Variants in MAGI2 observed in about 807,000 individuals in gnomAD.
The protein encoded by MAGI2 is membrane associated guanylate kinase, WW and PDZ domain containing 2, also known as membrane-associated guanylate kinase, WW and PDZ domain-containing protein 2.
In MAGI2, 35 loss-of-function variants were observed where a neutral mutation model predicts 133.3. That is an observed-to-expected ratio of 0.26 (90% CI 0.20 to 0.35). MAGI2 has a LOEUF of 0.35. Ranked by LOEUF, MAGI2 falls within the 10% of genes least tolerant of loss-of-function variation. The pLI is 1.00. For missense variants in MAGI2, 1,636 were observed against 1,863.4 expected, an observed-to-expected ratio of 0.88 and a Z score of 2.25; for synonymous variants, 729 against 710.6, an observed-to-expected ratio of 1.03 and a Z score of -0.41.
chr7:78,654,705 A>ATG (rs1439057090), intron 2 of MAGI2, among the ~76,000 whole-genome samples: 4 of 1,788 alleles, frequency 2.2e-3, no homozygotes, highest in African/African-American at 6.3e-3. Flanking sequence ...ACATATATGT[A>ATG]TATATATATA....
intron 16 of MAGI2, among the ~76,000 whole-genome samples, chr7:78,147,329 A>G (rs997923430): frequency 1.3e-5 from 2 of 152,176 alleles, no homozygotes; most frequent in African/African-American, 4.8e-5. Context: ...AAGTGAGACC[A>G]TCACCACATG....
intron 1 of MAGI2, among the ~76,000 whole-genome samples, chr7:79,293,744 C>G (rs149809386): frequency 3.3e-5 from 5 of 152,352 alleles, no homozygotes; most frequent in African/African-American, 1.2e-4. Flanking sequence ...TCTATGCAGT[C>G]TGGCTCCAAA....
At chr7:78,715,910 T>C (rs868151603) in intron 2 of MAGI2, among the ~76,000 whole-genome samples, 2 of 149,608 alleles carry the variant, frequency 1.3e-5, no homozygotes, top group Admixed American at 1.4e-4. Flanking sequence ...TTCAATCCAG[T>C]CACAGAGCTT....
intron 10 of MAGI2, among the ~76,000 whole-genome samples, chr7:78,202,927 A>G (rs1829397400): frequency 6.6e-6 from 1 of 152,188 alleles, no homozygotes; most frequent in Non-Finnish European, 1.5e-5. Context: ...AAGAGTTGAC[A>G]GTAAAAATTA....
chr7:78,565,753 T>C (rs1800879706), intron 3 of MAGI2, among the ~76,000 whole-genome samples: 1 of 152,204 alleles, frequency 6.6e-6, no homozygotes. Flanking sequence ...TGCAAGACTC[T>C]TACTGACAAA....
intron 6 of MAGI2, among the ~76,000 whole-genome samples, chr7:78,453,618 C>A (rs1788967798): frequency 6.6e-6 from 1 of 152,134 alleles, no homozygotes; most frequent in Admixed American, 6.5e-5. Context: ...AGCCATACCT[C>A]CCCCGCTGAC....
At chr7:78,768,950 TAATC>T (rs766271284) in intron 2 of MAGI2, among the ~76,000 whole-genome samples, 7 of 152,128 alleles carry the variant, frequency 4.6e-5, no homozygotes, top group Non-Finnish European at 1.0e-4. Context: ...CACATGCTCT[TAATC>T]AGTCCCTCAA....
intron 2 of MAGI2, among the ~76,000 whole-genome samples, chr7:78,755,375 G>A (rs114046360): frequency 7.7e-4 from 117 of 152,264 alleles, no homozygotes; most frequent in Middle Eastern, 3.4e-3. Context: ...TTCATATAAC[G>A]CAGTGGTTTA....
At chr7:78,312,169 G>A (rs142679825) in intron 9 of MAGI2, among the ~76,000 whole-genome samples, 13 of 152,158 alleles carry the variant, frequency 8.5e-5, no homozygotes, top group African/African-American at 2.6e-4. Flanking sequence ...AGCAAATTTG[G>A]TTGAATGGAG....
At position 79,338,805 on chromosome 7, in the gene MAGI2, G is replaced by T. The variant is rs532756567; in HGVS notation, c.301+114215C>A. On this transcript the variant is annotated intron_variant, in intron 1 of 21. Transcript: ENST00000354212. The stretch of plus-strand genomic sequence containing the variant: ...CCAATGTCAGTGATGGGAGAGCCTC[G>T]TAGCCACACCTTGAGAGAGAAGACT... Among the ~76,000 whole-genome samples, 9 of 152,160 alleles carry T rather than the reference G, an allele frequency of 5.9e-5. No homozygotes were observed. In the South Asian group the frequency reaches 1.9e-3, roughly 32 times the overall value.
At chr7:78,387,762 A>G (rs1342918997) in intron 6 of MAGI2, among the ~76,000 whole-genome samples, 1 of 152,082 alleles carries the variant, frequency 6.6e-6, no homozygotes, top group Non-Finnish European at 1.5e-5. Flanking sequence ...CCCCATCTCT[A>G]TAAAAAATAC....
intron 2 of MAGI2, among the ~76,000 whole-genome samples, chr7:78,667,764 C>T (rs1158277571): frequency 6.6e-6 from 1 of 151,938 alleles, no homozygotes; most frequent in Non-Finnish European, 1.5e-5. Context: ...TGTATATGTG[C>T]CACATTTTCT....
At chr7:78,186,299 C>T (rs944536102) in intron 12 of MAGI2, among the ~76,000 whole-genome samples, 1 of 152,102 alleles carries the variant, frequency 6.6e-6, no homozygotes, top group South Asian at 2.1e-4. Context: ...AAAATGTAGG[C>T]ATAGCCCACA....
At chr7:79,437,210 G>C (rs1848203509) in intron 1 of MAGI2, among the ~76,000 whole-genome samples, 1 of 152,062 alleles carries the variant, frequency 6.6e-6, no homozygotes, top group Non-Finnish European at 1.5e-5. Flanking sequence ...GAGTGGGAGA[G>C]GGGACAAGGG....
chr7:78,083,367 C>T (rs370375045), intron 20 of MAGI2, among the ~76,000 whole-genome samples: 17,246 of 53,542 alleles, frequency 0.32, 2,232 homozygotes, highest in South Asian at 0.35. Flanking sequence ...GGTGGGGGGG[C>T]GGGGGAGGGA....
intron 1 of MAGI2, among the ~76,000 whole-genome samples, chr7:79,416,377 A>G (rs1846513272): frequency 6.6e-6 from 1 of 152,014 alleles, no homozygotes; most frequent in Admixed American, 6.6e-5. Context: ...AGAAGAGGAG[A>G]GAGAGAGAAG....
At chr7:78,206,914 C>T (rs896751778) in intron 10 of MAGI2, among the ~76,000 whole-genome samples, 11 of 152,090 alleles carry the variant, frequency 7.2e-5, no homozygotes, top group African/African-American at 2.7e-4. Flanking sequence ...GATTTCCATG[C>T]CCTAAAGCTG....
chr7:78,239,021 TCTG>T (rs1055464692), intron 10 of MAGI2, among the ~76,000 whole-genome samples: 1 of 150,580 alleles, frequency 6.6e-6, no homozygotes, highest in Non-Finnish European at 1.5e-5. Context: ...CTCAAAATCT[TCTG>T]CTTGCATGGG....
At chr7:78,381,137 A>C (rs952256855) in intron 6 of MAGI2, among the ~76,000 whole-genome samples, 7 of 152,198 alleles carry the variant, frequency 4.6e-5, no homozygotes, top group African/African-American at 1.7e-4. Flanking sequence ...ACTTGAGGTC[A>C]GGAGTTTGAG....
Sources: allele counts gnomAD v4.1 joint callset (sites outside exome capture counted in the v4.1 genomes callset), GRCh38; gene constraint gnomAD v4.1.1; transcripts MANE v1.5; gene names NCBI Gene and HGNC (gene_info 2026-07-23, HGNC 2026-07-21).